MEGF11: variants seen among roughly 807,000 people sequenced by gnomAD.
The protein encoded by MEGF11 is multiple EGF like domains 11, also known as multiple epidermal growth factor-like domains protein 11.
In MEGF11, 126 loss-of-function variants were observed where a neutral mutation model predicts 146.6. The observed-to-expected ratio is 0.86, with a 90% CI of 0.74 to 1.00. The LOEUF (loss-of-function observed/expected upper bound fraction) is 1.00, where lower values mean the gene tolerates loss of function less well. MEGF11 is among the 50% of genes least tolerant of loss of function. MEGF11 has a pLI of 0.00. For synonymous variants in MEGF11, 532 were observed against 583.4 expected, an observed-to-expected ratio of 0.91 and a Z score of 1.27; for missense variants, 1,509 against 1,521.2, an observed-to-expected ratio of 0.99 and a Z score of 0.13.
chr15:65,906,327 T>A (rs1199889159), intron 23 of MEGF11, among the ~76,000 whole-genome samples, 186 bp from the exon 24 acceptor site: 2 of 152,186 alleles, frequency 1.3e-5, no homozygotes, highest in Non-Finnish European at 1.5e-5. Context: ...TAAATGATTC[T>A]GGGTTTAATC....
chr15:66,072,284 C>T (rs546969830), intron 5 of MEGF11, among the ~76,000 whole-genome samples: 3 of 152,250 alleles, frequency 2.0e-5, no homozygotes, highest in African/African-American at 7.2e-5. Flanking sequence ...CACAAAGCTC[C>T]CCTAGTTTTT....
chr15:66,117,312 A>G (rs1252493987), intron 4 of MEGF11, among the ~76,000 whole-genome samples: 1 of 152,070 alleles, frequency 6.6e-6, no homozygotes, highest in Non-Finnish European at 1.5e-5. Flanking sequence ...TCATCCTGAA[A>G]GTGGCTTTTT....
chr15:66,130,607 A>C (rs1460559065), intron 1 of MEGF11, among the ~76,000 whole-genome samples: 2 of 151,732 alleles, frequency 1.3e-5, no homozygotes, highest in Non-Finnish European at 2.9e-5. Context: ...AAAGAGAGAG[A>C]GGGAAAGGAA....
chr15:65,975,860 T>C (rs529470986), intron 7 of MEGF11, among the ~76,000 whole-genome samples: 1 of 152,160 alleles, frequency 6.6e-6, no homozygotes, highest in South Asian at 2.1e-4. Flanking sequence ...GCCCCATATA[T>C]CCTGAGACTG....
chr15:66,022,385 G>A (rs574679720), intron 5 of MEGF11, among the ~76,000 whole-genome samples: 144 of 152,380 alleles, frequency 9.5e-4, no homozygotes, highest in South Asian at 2.1e-3. Context: ...ACTGTTAGGT[G>A]ACAGACGTTT....
At chr15:66,221,791 T>G (rs1455211118) in intron 1 of MEGF11, among the ~76,000 whole-genome samples, 2 of 152,130 alleles carry the variant, frequency 1.3e-5, no homozygotes, top group African/African-American at 2.4e-5. Flanking sequence ...TGGGGTAAAA[T>G]TCCACTTTTA....
chr15:66,230,489 G>A (rs978122266), intron 1 of MEGF11, among the ~76,000 whole-genome samples: 6 of 152,184 alleles, frequency 3.9e-5, no homozygotes, highest in Non-Finnish European at 4.4e-5. Flanking sequence ...GAAATTATAA[G>A]CATACTAATA....
intron 5 of MEGF11, among the ~76,000 whole-genome samples, chr15:66,078,392 G>C (rs2140516545): frequency 6.6e-6 from 1 of 152,318 alleles, no homozygotes; most frequent in Non-Finnish European, 1.5e-5. Context: ...AGTGACCTTG[G>C]AGGATGACTG....
chr15:66,199,313 T>C (rs2091090781), intron 1 of MEGF11, among the ~76,000 whole-genome samples: 1 of 152,140 alleles, frequency 6.6e-6, no homozygotes, highest in South Asian at 2.1e-4. Context: ...GTAGATGCCA[T>C]AGCTGAAAAT....
intron 1 of MEGF11, among the ~76,000 whole-genome samples, chr15:66,143,833 G>A (rs545666617): frequency 7.2e-5 from 11 of 152,196 alleles, no homozygotes; most frequent in South Asian, 2.1e-4. Flanking sequence ...CTCATTCACC[G>A]TGTCCTTTGA....
rs552043095 is a variant in MEGF11 at position 65,914,626 on chromosome 15, G to C, written c.2474-653C>G. 4.6e-5 allele frequency among the ~76,000 whole-genome samples: 7 copies of C among 152,308 alleles called. No homozygotes were observed. The South Asian group carries it at 1.5e-3, about 32-fold the overall frequency. On this transcript the variant is annotated intron_variant, in intron 19 of 25. Coordinates refer to ENST00000395614, the MANE Select transcript of MEGF11 (RefSeq NM_001385028.1). The stretch of plus-strand genomic sequence containing the variant: ...GATGCTTAGTCTAGGAGGCTGTCCT[G>C]CCAGGCCCACAGTGTCTAGACTTCT...
chr15:66,234,174 C>T (rs1309593347), intron 1 of MEGF11, among the ~76,000 whole-genome samples: 1 of 152,118 alleles, frequency 6.6e-6, no homozygotes, highest in Non-Finnish European at 1.5e-5. Context: ...GCTGGGATTA[C>T]AGGCACGAGC....
intron 9 of MEGF11, among the ~76,000 whole-genome samples, chr15:65,964,360 C>T (rs1349013692): frequency 6.6e-6 from 1 of 152,224 alleles, no homozygotes; most frequent in Non-Finnish European, 1.5e-5. Context: ...TCCTGCTCCT[C>T]TAGCCTTGCC....
rs143942610 is a variant in MEGF11, at chr15:65,911,700, T to C, written c.2829+382A>G. Among the ~76,000 whole-genome samples the C allele has an allele frequency of 4.4e-3, 675 of 152,322 alleles. 3 individuals carry two copies. Among genetic ancestry groups the C allele is most frequent in the Admixed American group, 0.012 (182 of 15,296 alleles). ...TGCTGGGATTACAGGCGTGAGCCAC[T>C]GTGCCCAGCCTACAAGGTGGTCTAG... is the stretch of plus-strand genomic sequence containing the variant. On this transcript the variant is annotated intron_variant, in intron 21 of 25. Transcript: ENST00000395614.
intron 1 of MEGF11, among the ~76,000 whole-genome samples, chr15:66,143,434 T>C (rs1324467012): frequency 2.6e-5 from 4 of 152,184 alleles, no homozygotes; most frequent in Non-Finnish European, 5.9e-5. Flanking sequence ...GTCTACTCCC[T>C]GTCCAGCCCA....
At chr15:66,094,556 T>G in intron 4 of MEGF11, 62 bp from the exon 5 acceptor site, 1 of 1,399,618 alleles carries the variant, frequency 7.1e-7, no homozygotes, top group Non-Finnish European at 9.9e-7. Flanking sequence ...AACCATCTGG[T>G]CAAGGAGCAT....
chr15:66,242,403 T>C (rs891260205), intron 1 of MEGF11, among the ~76,000 whole-genome samples: 2 of 140,772 alleles, frequency 1.4e-5, no homozygotes, highest in Non-Finnish European at 3.1e-5. Context: ...AGTGAGACTC[T>C]GTCTAAAAAA....
rs147542738 is a variant in MEGF11 at position 65,968,034 on chromosome 15, C to A, written c.899+2519G>T. ...CGCAGCCTGCATGTGGCTAAGATGA[C>A]CCCAGATTGTCTTTCTGCAAATCTT... On this transcript the variant is annotated intron_variant, in intron 8 of 25. Transcript: ENST00000395614. Among the ~76,000 whole-genome samples, 10 of 152,294 alleles carry A rather than the reference C, an allele frequency of 6.6e-5. No individual in the cohort carries two copies. In the South Asian group the frequency reaches 1.9e-3, roughly 28 times the overall value.
chr15:66,091,318 C>T (rs1026148353), intron 5 of MEGF11, among the ~76,000 whole-genome samples: 5 of 152,074 alleles, frequency 3.3e-5, no homozygotes, highest in Non-Finnish European at 5.9e-5. Context: ...GTCCCATGGC[C>T]GACTCCTCTA....
Sources: allele counts gnomAD v4.1 joint callset (sites outside exome capture counted in the v4.1 genomes callset), GRCh38; gene constraint gnomAD v4.1.1; transcripts MANE v1.5; gene names NCBI Gene and HGNC (gene_info 2026-07-23, HGNC 2026-07-21).